ATP10A: variants seen among roughly 807,000 people sequenced by gnomAD.
The protein encoded by ATP10A is ATPase phospholipid transporting 10A (putative).
ATP10A carries 111 observed loss-of-function variants against 147.8 expected under a neutral mutation model. The ratio of observed to expected loss-of-function variants is 0.75; its 90% CI spans 0.64 to 0.88. The LOEUF (loss-of-function observed/expected upper bound fraction) is 0.88, where lower values mean the gene tolerates loss of function less well. Ranked by LOEUF, ATP10A falls within the 40% of genes least tolerant of loss-of-function variation. ATP10A has a pLI of 0.00. For missense variants in ATP10A, 1,927 were observed against 1,959.0 expected, an observed-to-expected ratio of 0.98 and a Z score of 0.31; for synonymous variants, 875 against 841.6, an observed-to-expected ratio of 1.04 and a Z score of -0.69.
At chr15:25,678,000 C>T (rs909464974), downstream of ATP10A, 2 of 152,160 alleles carry the variant, frequency 1.3e-5, no homozygotes, top group African/African-American at 4.8e-5. Flanking sequence ...TGACTCCAGC[C>T]AAGCATCCCC....
In ATP10A at chr15:25,694,822, T is replaced by C. The variant is rs1368240663; in HGVS notation, c.3085A>G (p.Ile1029Val). ...RSKLKAMTLA[I>V]GDGANDVSMI... Reference sequence around the variant, plus strand: ...TCTGGCCAGCTGGGATACTTGCCTATGGCCAGGGTCATGGCCTTGAGCTTG... The same window carrying C: ...TCTGGCCAGCTGGGATACTTGCCTACGGCCAGGGTCATGGCCTTGAGCTTG... The change falls in exon 14 of 21, where the codon ATA (isoleucine) becomes GTA (valine). Residue 1029 changes from isoleucine to valine, a missense_variant. Coordinates refer to ENST00000555815, the MANE Select transcript of ATP10A (RefSeq NM_024490.4). 5.6e-6 allele frequency: 9 copies of C among 1,603,480 alleles called. No homozygotes were observed. Among genetic ancestry groups the C allele is most frequent in the Non-Finnish European group, 7.7e-6 (9 of 1,172,584 alleles).
chr15:25,700,427 C>A (rs974012738), intron 13 of ATP10A, among the ~76,000 whole-genome samples: 1 of 152,228 alleles, frequency 6.6e-6, no homozygotes, highest in Admixed American at 6.5e-5. Flanking sequence ...CAACCAGAAA[C>A]AACTAAAATG....
At chr15:25,860,667 G>A (rs1422124148) in intron 1 of ATP10A, among the ~76,000 whole-genome samples, 2 of 152,162 alleles carry the variant, frequency 1.3e-5, no homozygotes, top group African/African-American at 2.4e-5. Context: ...AGAGTGGAAG[G>A]GGAGGGGAAC....
intron 9 of ATP10A, among the ~76,000 whole-genome samples, chr15:25,715,753 G>T (rs780111288): frequency 6.6e-6 from 1 of 152,226 alleles, no homozygotes; most frequent in Non-Finnish European, 1.5e-5. Flanking sequence ...CTGCAGCAGA[G>T]AAAATACAGG....
At chr15:25,832,378 A>T (rs759824817) in intron 1 of ATP10A, among the ~76,000 whole-genome samples, 5 of 152,214 alleles carry the variant, frequency 3.3e-5, no homozygotes, top group Non-Finnish European at 5.9e-5. Context: ...CTCCTAGCAG[A>T]CACAAGGCCT....
intron 1 of ATP10A, among the ~76,000 whole-genome samples, chr15:25,814,901 C>A (rs1202031217): frequency 6.6e-6 from 1 of 152,134 alleles, no homozygotes; most frequent in East Asian, 1.9e-4. Context: ...TGATGAAAAG[C>A]CAGTGAGAAA....
intron 1 of ATP10A, among the ~76,000 whole-genome samples, chr15:25,792,758 A>G (rs1041685140): frequency 2.0e-5 from 3 of 151,910 alleles, no homozygotes; most frequent in African/African-American, 7.3e-5. Flanking sequence ...TGTTGCTTTG[A>G]GTTCCATCTC....
chr15:25,813,534 C>T (rs1424232017), intron 1 of ATP10A, among the ~76,000 whole-genome samples: 4 of 152,088 alleles, frequency 2.6e-5, no homozygotes, highest in African/African-American at 9.7e-5. Context: ...AAAAACACAA[C>T]CTACAACAAA....
chr15:25,726,050 C>G lies in ATP10A; in HGVS notation c.880G>C (p.Gly294Arg). The G allele has an allele frequency of 6.2e-7, 1 of 1,614,056 alleles. No individual in the cohort carries two copies. Among genetic ancestry groups the G allele is most frequent in the Non-Finnish European group, 8.5e-7 (1 of 1,179,970 alleles). ...HETKALLNNS[G>R]PRYKRSKLER... ...AGCTTGCTGCGCTTGTAGCGGGGCC[C>G]ACTGTTGTTCAGCAGAGCCTTGGTT... Residue 294 changes from glycine to arginine, a missense_variant, in exon 5 of 21, where the codon GGG becomes CGG. By Grantham distance (125) the Gly-to-Arg change is moderately radical (BLOSUM62 -2). Transcript: ENST00000555815.
At chr15:25,782,710 A>C (rs1889981014) in intron 1 of ATP10A, among the ~76,000 whole-genome samples, 1 of 152,150 alleles carries the variant, frequency 6.6e-6, no homozygotes. Context: ...TTCTTCTTTA[A>C]TTCTTTTTCC....
At chr15:25,722,137 A>T (rs1351672315) in intron 6 of ATP10A, among the ~76,000 whole-genome samples, 1 of 152,176 alleles carries the variant, frequency 6.6e-6, no homozygotes, top group African/African-American at 2.4e-5. Context: ...CAGGGCGGGG[A>T]TCCACTATGG....
rs535601290 is a variant in ATP10A, at chr15:25,798,970, G to A, written c.450-17747C>T. On this transcript the variant is annotated intron_variant, in intron 1 of 20. Coordinates refer to ENST00000555815, the MANE Select transcript of ATP10A (RefSeq NM_024490.4). Reference sequence around the variant, plus strand: ...ACAAACTCCCCCGTCCTCATGTAACGGAGGCTATGTGACTTTAAAAAACAA... The same window carrying A: ...ACAAACTCCCCCGTCCTCATGTAACAGAGGCTATGTGACTTTAAAAAACAA... 9.9e-5 allele frequency among the ~76,000 whole-genome samples: 15 copies of A among 152,194 alleles called. No individual in the cohort carries two copies. In the South Asian group the frequency reaches 2.3e-3, roughly 23 times the overall value.
chr15:25,684,949 A>G (rs764171690), intron 16 of ATP10A, among the ~76,000 whole-genome samples: 18 of 152,164 alleles, frequency 1.2e-4, no homozygotes, highest in Non-Finnish European at 2.6e-4. Flanking sequence ...CTTTCCCTAC[A>G]TGCTGAAAAC....
chr15:25,779,347 C>T (rs1256874338), intron 2 of ATP10A, among the ~76,000 whole-genome samples: 1 of 152,234 alleles, frequency 6.6e-6, no homozygotes. Flanking sequence ...GTGGCACTCA[C>T]CCTCTGTGTG....
At chr15:25,863,500 C>T (rs1388753010), upstream of ATP10A, 1 of 152,334 alleles carries the variant, frequency 6.6e-6, no homozygotes, top group Non-Finnish European at 1.5e-5. Context: ...AGTTTCGTTT[C>T]CCAGAAGCAT....
At chr15:25,846,161 AG>A (rs1893016524) in intron 1 of ATP10A, among the ~76,000 whole-genome samples, 1 of 152,092 alleles carries the variant, frequency 6.6e-6, no homozygotes, top group South Asian at 2.1e-4. Flanking sequence ...GCATGGGGGA[AG>A]GGGGAGTTAG....
chr15:25,681,274 A>G (rs1029127603), intron 17 of ATP10A, among the ~76,000 whole-genome samples, 200 bp from the exon 18 acceptor site: 3 of 152,340 alleles, frequency 2.0e-5, no homozygotes, highest in South Asian at 2.1e-4. Flanking sequence ...GATCATATCC[A>G]CAGAAAAATA....
chr15:25,679,625 G>A lies in ATP10A; in HGVS notation c.4216C>T (p.Pro1406Ser). The change falls in exon 21 of 21, where the codon CCA (proline) becomes TCA (serine). Residue 1406 changes from proline (P) to serine (S), a missense_variant. Transcript: ENST00000555815. The stretch of plus-strand genomic sequence containing the variant: ...TTGGACTCCTCAGGACACCCTCCTG[G>A]ACTCCTCAGGACAGCCTCCCCTGGC... Reference protein sequence around the residue: ...SAPGEAVLRSPGGCPEESKVR... With the variant: ...SAPGEAVLRSSGGCPEESKVR... 2 of 1,613,140 alleles carry A rather than the reference G, an allele frequency of 1.2e-6. No homozygotes were observed. Among genetic ancestry groups the A allele is most frequent in the South Asian group, 2.2e-5 (2 of 91,068 alleles).
chr15:25,746,498 G>A (rs959649711), intron 2 of ATP10A, among the ~76,000 whole-genome samples: 1 of 152,032 alleles, frequency 6.6e-6, no homozygotes, highest in Admixed American at 6.6e-5. Flanking sequence ...TAACCTAATG[G>A]ACACGTATAA....
Sources: gnomAD v4.1 joint callset for allele counts (sites outside exome capture counted in the v4.1 genomes callset) on GRCh38, gnomAD v4.1.1 for gene constraint, MANE v1.5 for transcripts, NCBI Gene and HGNC (gene_info 2026-07-23, HGNC 2026-07-21) for gene names.